CIC: variants seen among roughly 807,000 people sequenced by gnomAD.
CIC encodes the protein protein capicua homolog.
CIC carries 18 observed loss-of-function variants against 115.7 expected under a neutral mutation model. The observed-to-expected ratio is 0.16, with a 90% confidence interval of 0.11 to 0.23. The LOEUF is 0.23. CIC is among the 10% of genes least tolerant of loss of function. The pLI, the probability that CIC is intolerant of heterozygous loss-of-function variation, is 1.00. For synonymous variants in CIC, 1,076 were observed against 923.0 expected, an observed-to-expected ratio of 1.17 and a Z score of -3.01; for missense variants, 2,000 against 2,159.3, an observed-to-expected ratio of 0.93 and a Z score of 1.46.
chr19:42,280,142 C>T lies in CIC; in HGVS notation c.2794+5565C>T, dbSNP rs986469618. ...GCACCGCAGGCGGCTGGACCCTAGC[C>T]CGCCGCGCCGCCTCCTCCACCCCCA... On this transcript the variant is annotated intron_variant, in intron 2 of 20. Transcript: ENST00000681038. This position sits in a 1 kb window ranked among gnomAD's most constrained non-coding sequence, Gnocchi z 4.9. The T allele has an allele frequency of 3.3e-5, 5 of 152,288 alleles. No homozygotes were observed. The highest frequency in any genetic ancestry group is 2.1e-4 in the South Asian group (1 of 4,844). The allele number at this position is 152,288 out of a possible 1,614,324, so 9.4% of individuals were successfully genotyped here.
intron 19 of CIC, 128 bp from the exon 20 acceptor site, chr19:42,294,474 CTG>C (rs2038372487): frequency 3.2e-6 from 5 of 1,552,162 alleles, no homozygotes; most frequent in Non-Finnish European, 4.4e-6. Context: ...TGCCCTGTGA[CTG>C]TGGGCAGGAC....
Position 42,294,579 on chromosome 19 carries a change from G to A in CIC, c.7055-25G>A, listed in dbSNP as rs773805192. 3.7e-6 allele frequency: 6 copies of A among 1,612,374 alleles called. No individual in the cohort carries two copies. The East Asian group carries it at 8.9e-5, about 24-fold the overall frequency. On this transcript the variant is annotated intron_variant, in intron 19 of 20. Transcript: ENST00000681038. ...AAGGCCCTGCCGCTGCTGCAGCCTTGCCATGCTGCCTGTGCCCTGCACAGG... is the reference window on the plus strand; with the variant it reads ...AAGGCCCTGCCGCTGCTGCAGCCTTACCATGCTGCCTGTGCCCTGCACAGG...
intron 2 of CIC, among the ~76,000 whole-genome samples, chr19:42,278,917 G>T (rs180830040): frequency 6.6e-5 from 10 of 152,230 alleles, no homozygotes; most frequent in Non-Finnish European, 1.3e-4. Context: ...GCAGGAAAGC[G>T]GGGGCTGTAT....
At chr19:42,292,025 C>T (rs1291941218) in intron 12 of CIC, 61 bp from the exon 13 acceptor site, 4 of 1,610,646 alleles carry the variant, frequency 2.5e-6, no homozygotes, top group African/African-American at 1.3e-5. Context: ...AGGTCTTGGT[C>T]TTCCCCTGCC....
Position 42,290,590 on chromosome 19 carries a change from G to A in CIC, c.4549G>A (p.Gly1517Ser), listed in dbSNP as rs1370943968. The A allele has an allele frequency of 1.2e-6, 2 of 1,613,676 alleles. No individual in the cohort carries two copies. Among genetic ancestry groups the A allele is most frequent in the African/African-American group, 2.7e-5 (2 of 74,910 alleles). Reference sequence around the variant, plus strand: ...GCGCAAGAGACCCGAAAGTGTGGGTGGCCTGGAGCCACCAGGCCCCTCAGT... The same window carrying A: ...GCGCAAGAGACCCGAAAGTGTGGGTAGCCTGGAGCCACCAGGCCCCTCAGT... ...FRRKRPESVGGLEPPGPSVIA... is the reference protein window; with the variant it reads ...FRRKRPESVGSLEPPGPSVIA... The change falls in exon 11 of 21, where the codon GGC becomes AGC. Residue 1517 changes from glycine (G) to serine (S), a missense_variant. By Grantham distance (56) the Gly-to-Ser change is moderately conservative. This residue lies in a region of CIC where 1,466 missense variants were observed against 1,390.4 expected (regional missense o/e 1.05). Coordinates refer to ENST00000681038, the MANE Select transcript of CIC (RefSeq NM_001386298.1).
At chr19:42,285,383 G>T (rs2037560492) in intron 2 of CIC, among the ~76,000 whole-genome samples, 1 of 152,176 alleles carries the variant, frequency 6.6e-6, no homozygotes, top group Admixed American at 6.5e-5. Flanking sequence ...GTCCCTGGAG[G>T]CTTTTATATG....
chr19:42,283,903 G>C (rs890063840), intron 2 of CIC: 3 of 151,578 alleles, frequency 2.0e-5, no homozygotes, highest in African/African-American at 7.3e-5. Flanking sequence ...CCCCCGGGGC[G>C]GCCAATGGGG....
chr19:42,270,273 G>T lies in CIC; in HGVS notation c.-11+892G>T, dbSNP rs1489407020. On this transcript the variant is annotated intron_variant, in intron 1 of 20. Transcript: ENST00000681038. This position sits in a 1 kb window ranked among gnomAD's most constrained non-coding sequence, Gnocchi z 4.1. ...TCTGCCTGTGAGGACCCCAGGATTGGCCCAAGAAAGGGCAGGCCTGGGACT... is the reference window on the plus strand; with the variant it reads ...TCTGCCTGTGAGGACCCCAGGATTGTCCCAAGAAAGGGCAGGCCTGGGACT... Among the ~76,000 whole-genome samples the T allele has an allele frequency of 6.6e-6, 1 of 152,208 alleles. No individual in the cohort carries two copies. Among genetic ancestry groups the T allele is most frequent in the African/African-American group, 2.4e-5 (1 of 41,440 alleles).
rs764874917 is a variant in CIC at position 42,294,164 on chromosome 19, T to C, written c.6923-9T>C. On this transcript the variant is annotated splice_polypyrimidine_tract_variant and intron_variant, in intron 18 of 20. Transcript: ENST00000681038. ...GCCACCTGCACTGAGTCTGCTTCTG[T>C]TTGGCCAGACCTGGATTCAGCACCC... 1.9e-6 allele frequency: 3 copies of C among 1,613,784 alleles called. No homozygotes were observed. The African/African-American group carries it at 4.0e-5, about 22-fold the overall frequency.
chr19:42,294,029 C>T lies in CIC; in HGVS notation c.6862C>T (p.Leu2288=), dbSNP rs1319316900. 2 of 1,613,658 alleles carry T rather than the reference C, an allele frequency of 1.2e-6. No individual in the cohort carries two copies. Among genetic ancestry groups the T allele is most frequent in the Non-Finnish European group, 8.5e-7 (1 of 1,180,008 alleles). The change falls in exon 18 of 21, where the codon CTG becomes TTG. Residue 2288 remains leucine, a synonymous_variant. Coordinates refer to ENST00000681038, the MANE Select transcript of CIC (RefSeq NM_001386298.1). ...EVLPSPTLQS[L]ATSPRAILGS... is the part of the protein sequence containing the mutation. The stretch of plus-strand genomic sequence containing the variant: ...GCTGCCCTCCCCCACCCTGCAGTCT[C>T]TGGCCACCTCACCCCGGGCCATCCT...
rs1311950753 is a variant in CIC at position 42,290,439 on chromosome 19, C to G, written c.4398C>G (p.Phe1466Leu). 2.5e-6 allele frequency: 4 copies of G among 1,613,974 alleles called. No homozygotes were observed. The highest frequency in any genetic ancestry group is 2.2e-5 in the East Asian group (1 of 44,894). ...CCTTCTCACTGGGCTCAGGAACCTT[C>G]AAGGCCCAGGAGTCTGGTCAGGGCA... ...ATSFSLGSGT[F>L]KAQESGQGST... The change falls in exon 11 of 21, where the codon TTC (phenylalanine) becomes TTG (leucine). Residue 1466 changes from phenylalanine to leucine, a missense_variant. Coordinates refer to ENST00000681038, the MANE Select transcript of CIC (RefSeq NM_001386298.1).
intron 2 of CIC, among the ~76,000 whole-genome samples, chr19:42,278,916 C>T (rs1156890188): frequency 6.6e-6 from 1 of 152,348 alleles, no homozygotes; most frequent in East Asian, 1.9e-4. Flanking sequence ...GGCAGGAAAG[C>T]GGGGGCTGTA....
At chr19:42,274,922 G>A (rs2036913744) in intron 2 of CIC, among the ~76,000 whole-genome samples, 1 of 152,168 alleles carries the variant, frequency 6.6e-6, no homozygotes, top group African/African-American at 2.4e-5. Flanking sequence ...GGGACTGGGC[G>A]AGGGCATTGC....
intron 2 of CIC, chr19:42,284,571 G>C (rs935533392): frequency 1.9e-5 from 6 of 317,112 alleles, no homozygotes; most frequent in African/African-American, 1.3e-4. Context: ...GGGCGGCGGG[G>C]GGGGGGGCAT....
rs753004853 is a variant in CIC, at chr19:42,294,325, T to TTGGGGGCC, written c.7054+27_7054+34dup. ...TACAGGTGCCGTGGTGGGCAGAACT[T>TTGGGGGCC]TGGGGGCCTGGGGACCTGCAAGAGG... is the stretch of plus-strand genomic sequence containing the variant. On this transcript the variant is annotated intron_variant, in intron 19 of 20. Coordinates refer to ENST00000681038, the MANE Select transcript of CIC (RefSeq NM_001386298.1). 49 of 1,611,352 alleles carry TTGGGGGCC rather than the reference T, an allele frequency of 3.0e-5. No homozygotes were observed. The Middle Eastern group carries it at 9.9e-4, about 32-fold the overall frequency.
In CIC at chr19:42,290,798, G is replaced by T. The variant is rs141594034; in HGVS notation, c.4757G>T (p.Arg1586Leu). 3 of 1,609,764 alleles carry T rather than the reference G, an allele frequency of 1.9e-6. No individual in the cohort carries two copies. Among genetic ancestry groups the T allele is most frequent in the Non-Finnish European group, 2.5e-6 (3 of 1,178,396 alleles). The change falls in exon 11 of 21, where the codon CGG (arginine) becomes CTG (leucine). Residue 1586 changes from arginine (R) to leucine (L), a missense_variant. By Grantham distance (102) the Arg-to-Leu change is moderately radical (BLOSUM62 -2). This residue lies in a region of CIC where 1,466 missense variants were observed against 1,390.4 expected (regional missense o/e 1.05). Transcript: ENST00000681038. ...GCCACCATGGTCACCAATGTGGTGC[G>T]GCCTGTCAGCAGCACTCCTGTGCCC... ...PAATMVTNVVRPVSSTPVPIA... is the reference protein window; with the variant it reads ...PAATMVTNVVLPVSSTPVPIA...
chr19:42,285,960 C>G (rs754180537), intron 2 of CIC, among the ~76,000 whole-genome samples: 1 of 152,236 alleles, frequency 6.6e-6, no homozygotes, highest in Non-Finnish European at 1.5e-5. Context: ...TTACAATTCT[C>G]TCTTCTGGCC....
Position 42,271,912 on chromosome 19 carries a change from G to A in CIC, c.129G>A (p.Glu43=), listed in dbSNP as rs2036803541. Reference sequence around the variant, plus strand: ...GGGAGGGTGACAAGCCAGAGGAGGAGGATGACGAGGCACAGCAGCCGCAAC... The same window carrying A: ...GGGAGGGTGACAAGCCAGAGGAGGAAGATGACGAGGCACAGCAGCCGCAAC... ...GAGEGDKPEE[E]DDEAQQPQPQ... Residue 43 remains glutamate, a synonymous_variant, in exon 2 of 21, where the codon GAG becomes GAA. Transcript: ENST00000681038. 2.5e-6 allele frequency: 1 copy of A among 399,024 alleles called. No homozygotes were observed. 24.7% of individuals were successfully genotyped at this position (399,024 alleles called of 1,614,324 possible).
chr19:42,294,401 T>G, intron 19 of CIC, 97 bp downstream of exon 19: 1 of 1,585,706 alleles, frequency 6.3e-7, no homozygotes. Flanking sequence ...GGTGGGTCCA[T>G]CCAGGCTGGG....
Sources: allele counts gnomAD v4.1 joint callset (sites outside exome capture counted in the v4.1 genomes callset), GRCh38; gene constraint gnomAD v4.1.1; regional missense constraint gnomAD v4.1.1; non-coding constraint Gnocchi (gnomAD v3.1); transcripts MANE v1.5; gene names NCBI Gene and HGNC (gene_info 2026-07-23, HGNC 2026-07-21).